IMMP2L: variants seen among roughly 807,000 people sequenced by gnomAD.
IMMP2L encodes mitochondrial inner membrane protease subunit 2.
Under a neutral mutation model 19.3 loss-of-function variants are expected in IMMP2L, and 18 were observed. That is an observed-to-expected ratio of 0.93 (90% confidence interval 0.64 to 1.38). The LOEUF is 1.38. Among genes scored for constraint, IMMP2L ranks in the 40% most tolerant of loss-of-function variants. The pLI, the probability that IMMP2L is intolerant of heterozygous loss-of-function variation, is 0.00. For synonymous variants in IMMP2L, 76 were observed against 73.0 expected (o/e 1.04, Z -0.21); for missense variants, 233 against 218.2 (o/e 1.07, Z -0.43).
chr7:111,044,991 A>C (rs1792257767), intron 3 of IMMP2L, among the ~76,000 whole-genome samples: 2 of 152,232 alleles, frequency 1.3e-5, no homozygotes, highest in Non-Finnish European at 2.9e-5. Flanking sequence ...GAAAAAGATA[A>C]AGCAGAGAGA....
intron 3 of IMMP2L, among the ~76,000 whole-genome samples, chr7:111,223,676 G>A (rs1287702976): frequency 2.0e-5 from 3 of 151,974 alleles, no homozygotes; most frequent in African/African-American, 7.2e-5. Context: ...TCTCTGTATT[G>A]TTTTGCCTTA....
intron 3 of IMMP2L, among the ~76,000 whole-genome samples, chr7:111,293,694 G>A (rs1356928794): frequency 2.6e-5 from 4 of 151,972 alleles, no homozygotes; most frequent in African/African-American, 4.8e-5. Flanking sequence ...CATTCACAAC[G>A]TGAATAAATA....
chr7:111,546,728 A>C lies in IMMP2L; in HGVS notation c.-3+15123T>G, dbSNP rs146631560. On this transcript the variant is annotated intron_variant, in intron 1 of 5. Transcript: ENST00000405709. ...TCTGCTCTCTCCCTAATCACTCAAG[A>C]TCACCTTGATTCAAAAATTATTTAG... 2.1e-3 allele frequency among the ~76,000 whole-genome samples: 324 copies of C among 152,228 alleles called. 3 individuals carry two copies. Among genetic ancestry groups the C allele is most frequent in the African/African-American group, 7.4e-3 (307 of 41,554 alleles).
rs924357699 is a variant in IMMP2L, at chr7:110,727,839, G to A, written c.409-64118C>T. On this transcript the variant is annotated intron_variant, in intron 5 of 5. Transcript: ENST00000405709. The surrounding 1 kb of genome is among the most constrained non-coding windows in gnomAD (Gnocchi z 4.3). ...TAAGAAAAGAATTGCTTCACCGAGT[G>A]GATTTAAACAGATATGAGGTAAATT... 3.3e-5 allele frequency among the ~76,000 whole-genome samples: 5 copies of A among 152,150 alleles called. No homozygotes were observed. The highest frequency in any genetic ancestry group is 1.2e-4 in the African/African-American group (5 of 41,432).
intron 3 of IMMP2L, among the ~76,000 whole-genome samples, chr7:111,361,669 G>C (rs1217224464): frequency 6.6e-6 from 1 of 152,038 alleles, no homozygotes; most frequent in Non-Finnish European, 1.5e-5. Context: ...GATACTAGTA[G>C]CTTTCCATAA....
intron 3 of IMMP2L, among the ~76,000 whole-genome samples, chr7:110,987,511 T>C (rs1440831536): frequency 6.6e-6 from 1 of 152,218 alleles, no homozygotes; most frequent in Admixed American, 6.5e-5. Context: ...TTTCCCAAAC[T>C]GCGTTCCAGG....
At chr7:111,492,851 T>A (rs547341205) in intron 2 of IMMP2L, among the ~76,000 whole-genome samples, 3 of 152,254 alleles carry the variant, frequency 2.0e-5, no homozygotes, top group African/African-American at 7.2e-5. Flanking sequence ...TACCTTTTCT[T>A]TCCTCCACAA....
chr7:110,879,153 G>T (rs1414000675), intron 5 of IMMP2L, among the ~76,000 whole-genome samples: 1 of 152,096 alleles, frequency 6.6e-6, no homozygotes, highest in East Asian at 1.9e-4. Context: ...CACCTTGAGA[G>T]GCTGAGGTGG....
chr7:110,871,683 A>G (rs1252196005), intron 5 of IMMP2L, among the ~76,000 whole-genome samples: 2 of 152,162 alleles, frequency 1.3e-5, no homozygotes, highest in African/African-American at 4.8e-5. Context: ...AGGTGAAAAG[A>G]AAAAAGAAGG....
intron 5 of IMMP2L, among the ~76,000 whole-genome samples, chr7:110,819,121 A>T (rs1440246803): frequency 6.6e-6 from 1 of 151,818 alleles, no homozygotes; most frequent in Non-Finnish European, 1.5e-5. Context: ...ATAACAAAAT[A>T]AAAAAAAGAA....
intron 4 of IMMP2L, among the ~76,000 whole-genome samples, chr7:110,896,141 A>C (rs1208127871): frequency 1.3e-5 from 2 of 152,146 alleles, no homozygotes; most frequent in Non-Finnish European, 2.9e-5. Context: ...AAAAGTAATG[A>C]CAAAAACCAC....
At chr7:111,236,245 T>C (rs1263617675) in intron 3 of IMMP2L, among the ~76,000 whole-genome samples, 1 of 152,128 alleles carries the variant, frequency 6.6e-6, no homozygotes, top group Non-Finnish European at 1.5e-5. Context: ...AAACATGATT[T>C]TCACCTTTTG....
At chr7:111,202,019 A>C (rs1810194883) in intron 3 of IMMP2L, among the ~76,000 whole-genome samples, 1 of 152,192 alleles carries the variant, frequency 6.6e-6, no homozygotes, top group Non-Finnish European at 1.5e-5. Context: ...GATATTAACC[A>C]AGCCACATGC....
In IMMP2L at chr7:111,150,740, G is replaced by C. The variant is rs551396379; in HGVS notation, c.240-187175C>G. Reference sequence around the variant, plus strand: ...ATACATATGTATATATTCACTTTATGGCGGAAAATGCAAGCCTTATTGGCT... The same window carrying C: ...ATACATATGTATATATTCACTTTATCGCGGAAAATGCAAGCCTTATTGGCT... On this transcript the variant is annotated intron_variant, in intron 3 of 5. Coordinates refer to ENST00000405709, the MANE Select transcript of IMMP2L (RefSeq NM_032549.4). Among the ~76,000 whole-genome samples the C allele has an allele frequency of 3.3e-5, 5 of 152,244 alleles. No homozygotes were observed. The East Asian group carries it at 9.6e-4, about 29-fold the overall frequency.
intron 3 of IMMP2L, among the ~76,000 whole-genome samples, chr7:111,137,311 A>C (rs2129596527): frequency 6.6e-6 from 1 of 152,294 alleles, no homozygotes; most frequent in African/African-American, 2.4e-5. Context: ...CCATCTGGAT[A>C]CCTTATAAAA....
intron 2 of IMMP2L, among the ~76,000 whole-genome samples, chr7:111,513,177 C>A (rs1329382984): frequency 6.6e-6 from 1 of 151,724 alleles, no homozygotes; most frequent in East Asian, 1.9e-4. Context: ...GGTAAAGAGA[C>A]AATCTATGGA....
intron 3 of IMMP2L, among the ~76,000 whole-genome samples, chr7:111,280,866 G>A (rs576166112): frequency 6.0e-4 from 91 of 152,010 alleles, no homozygotes; most frequent in African/African-American, 2.0e-3. Flanking sequence ...TCAGGAGATC[G>A]AGACCATCCT....
At position 110,803,550 on chromosome 7, in the gene IMMP2L, C is replaced by A. The variant is rs919231821; in HGVS notation, c.408+83043G>T. On this transcript the variant is annotated intron_variant, in intron 5 of 5. Coordinates refer to ENST00000405709, the MANE Select transcript of IMMP2L (RefSeq NM_032549.4). This position sits in a 1 kb window ranked among gnomAD's most constrained non-coding sequence, Gnocchi z 4.2. ...AGGCTGAGAGGGAAGTCAGTTGACA[C>A]CACTAGGAGGTCTACCACTGAAAGG... Among the ~76,000 whole-genome samples, 1 of 151,988 alleles carries A rather than the reference C, an allele frequency of 6.6e-6. No homozygotes were observed. Among genetic ancestry groups the A allele is most frequent in the African/African-American group, 2.4e-5 (1 of 41,396 alleles).
intron 3 of IMMP2L, among the ~76,000 whole-genome samples, chr7:111,282,261 A>C (rs1319220375): frequency 6.6e-6 from 1 of 152,204 alleles, no homozygotes; most frequent in Non-Finnish European, 1.5e-5. Context: ...AAACTGGTTA[A>C]ACAAATTTTT....
Sources: allele counts gnomAD v4.1 joint callset (sites outside exome capture counted in the v4.1 genomes callset), GRCh38; gene constraint gnomAD v4.1.1; non-coding constraint Gnocchi (gnomAD v3.1); transcripts MANE v1.5; gene names NCBI Gene and HGNC (gene_info 2026-07-23, HGNC 2026-07-21).